The following BCLAF1 variants were observed in gnomAD, a reference collection of about 807,000 sequenced individuals.
BCLAF1 encodes bcl-2-associated transcription factor 1.
A neutral mutation model predicts 99.5 loss-of-function variants in BCLAF1; 10 were observed. The ratio of observed to expected loss-of-function variants is 0.10; its 90% CI spans 0.06 to 0.17. The LOEUF is 0.17. Among genes scored for constraint, BCLAF1 ranks in the 10% least tolerant of loss-of-function variants. BCLAF1 has a pLI of 1.00. For synonymous variants in BCLAF1, 255 were observed against 370.9 expected (o/e 0.69, Z 3.59); for missense variants, 636 against 1,105.8 (o/e 0.58, Z 6.02).
At chr6:136,269,704 C>A in intron 8 of BCLAF1, 92 bp from the exon 9 acceptor site, 5 of 936,430 alleles carry the variant, frequency 5.3e-6, no homozygotes, top group Non-Finnish European at 7.4e-6. Context: ...ATGCCAGCTT[C>A]TAAACTGGCA....
intron 8 of BCLAF1, chr6:136,269,887 T>A (rs1782271516): frequency 7.7e-6 from 2 of 260,604 alleles, no homozygotes; most frequent in Non-Finnish European, 1.4e-5. Flanking sequence ...CAAAACAATC[T>A]ATAATAAATT....
In BCLAF1 at chr6:136,276,066, T is replaced by G. The variant is rs538868140; in HGVS notation, c.1459A>C (p.Arg487=). The change falls in exon 5 of 13, where the codon AGA becomes CGA. Residue 487 remains arginine (R), a synonymous_variant. Transcript: ENST00000531224. ...KHKEEDKNSE[R]ITVKKETQSP... is the part of the protein sequence containing the mutation. ...TGAGTTTCTTTCTTTACTGTTATTC[T>G]TTCAGAATTTTTGTCTTCTTCTTTG... 2.5e-6 allele frequency: 4 copies of G among 1,606,560 alleles called. No homozygotes were observed. The highest frequency in any genetic ancestry group is 3.4e-5 in the Admixed American group (2 of 58,078).
At chr6:136,262,237 T>C (rs540110429) in intron 11 of BCLAF1, among the ~76,000 whole-genome samples, 55 of 152,296 alleles carry the variant, frequency 3.6e-4, no homozygotes, top group African/African-American at 1.3e-3. Context: ...TAGAGATGGG[T>C]ATTATATTCA....
At position 136,273,199 on chromosome 6, in the gene BCLAF1, GAAGA is replaced by G. The variant is rs376788248; in HGVS notation, c.1853-16_1853-13del. On this transcript the variant is annotated splice_polypyrimidine_tract_variant and intron_variant, in intron 6 of 12. Transcript: ENST00000531224. The stretch of plus-strand genomic sequence containing the variant: ...CTTGAAGTATTGCTCTGTTGATTTA[GAAGA>G]AATACTGTCCGATTAGTTAACTTTA... The G allele has an allele frequency of 1.9e-6, 3 of 1,605,152 alleles. No homozygotes were observed. In the African/African-American group the frequency reaches 4.0e-5, roughly 21 times the overall value.
At chr6:136,266,762 A>T (rs1000563797) in intron 11 of BCLAF1, among the ~76,000 whole-genome samples, 4 of 152,042 alleles carry the variant, frequency 2.6e-5, no homozygotes, top group African/African-American at 4.8e-5. Flanking sequence ...ACTATAATAT[A>T]ATGTTTTTCT....
In BCLAF1 at chr6:136,256,640, T is replaced by C. The variant is rs577779900; in HGVS notation, c.*4470A>G. On this transcript the variant is annotated 3_prime_UTR_variant, in exon 13 of 13. Coordinates refer to ENST00000531224, the MANE Select transcript of BCLAF1 (RefSeq NM_014739.3). ...TTGCAGTGAGCCGAGCTCGAGCCACTGCACTCTAGTCTGGGTAAGACTCCA... is the reference window on the plus strand; with the variant it reads ...TTGCAGTGAGCCGAGCTCGAGCCACCGCACTCTAGTCTGGGTAAGACTCCA... The C allele has an allele frequency of 1.3e-5, 2 of 157,670 alleles. No homozygotes were observed. Among genetic ancestry groups the C allele is most frequent in the East Asian group, 1.8e-4 (1 of 5,414 alleles). The allele number at this position is 157,670 out of a possible 1,614,324, so 9.8% of individuals were successfully genotyped here. A position where few individuals can be genotyped will look rare whatever the true frequency, so the allele number is the denominator to read the frequency against.
In BCLAF1 at chr6:136,257,345, T is replaced by C. The variant is rs1780526639; in HGVS notation, c.*3765A>G. On this transcript the variant is annotated 3_prime_UTR_variant, in exon 13 of 13. Coordinates refer to ENST00000531224, the MANE Select transcript of BCLAF1 (RefSeq NM_014739.3). ...AGATTCATTTTTAAAGGCCAAGGTATAGTCTAGTAACATAAAAAGAACTGG... is the reference window on the plus strand; with the variant it reads ...AGATTCATTTTTAAAGGCCAAGGTACAGTCTAGTAACATAAAAAGAACTGG... The C allele has an allele frequency of 6.6e-6, 1 of 152,204 alleles. No individual in the cohort carries two copies. Among genetic ancestry groups the C allele is most frequent in the Non-Finnish European group, 1.5e-5 (1 of 68,012 alleles). The allele number at this position is 152,204 out of a possible 1,614,324, so 9.4% of individuals were successfully genotyped here.
chr6:136,262,639 A>G (rs894007838), intron 11 of BCLAF1, among the ~76,000 whole-genome samples: 4 of 152,198 alleles, frequency 2.6e-5, no homozygotes, highest in African/African-American at 7.2e-5. Context: ...AGAGGTGTAC[A>G]TGACTCTATA....
Position 136,278,662 on chromosome 6 carries a change from G to A in BCLAF1, c.219C>T (p.Tyr73=), listed in dbSNP as rs1273446382. The stretch of plus-strand genomic sequence containing the variant: ...GATAATACCCTCTACCCCTTCCTCT[G>A]TACCCATAAGGTCGTCTCATTCCTC... ...NNRGMRRPYG[Y]RGRGRGYYQG... The change falls in exon 4 of 13, where the codon TAC becomes TAT. Residue 73 remains tyrosine (Y), a synonymous_variant. Coordinates refer to ENST00000531224, the MANE Select transcript of BCLAF1 (RefSeq NM_014739.3). 10 of 1,612,950 alleles carry A rather than the reference G, an allele frequency of 6.2e-6. No homozygotes were observed. Among genetic ancestry groups the A allele is most frequent in the Middle Eastern group, 1.7e-4 (1 of 6,044 alleles).
rs138287926 is a variant in BCLAF1 at position 136,279,708 on chromosome 6, T to C, written c.104+55A>G. 232 of 1,402,660 alleles carry C rather than the reference T, an allele frequency of 1.7e-4. No homozygotes were observed. The Admixed American group carries it at 2.1e-3, about 13-fold the overall frequency. 86.9% of individuals were successfully genotyped at this position (1,402,660 alleles called of 1,614,324 possible). Reference sequence around the variant, plus strand: ...TTAGCACTGTGTTTACGATACTCATTCAACAAGTATTAACTGATATAATTA... The same window carrying C: ...TTAGCACTGTGTTTACGATACTCATCCAACAAGTATTAACTGATATAATTA... On this transcript the variant is annotated intron_variant, in intron 3 of 12. Transcript: ENST00000531224.
Position 136,268,158 on chromosome 6 carries a change from T to C in BCLAF1, c.2397+4A>G, listed in dbSNP as rs758144228. On this transcript the variant is annotated splice_donor_region_variant and intron_variant, in intron 10 of 12. Coordinates refer to ENST00000531224, the MANE Select transcript of BCLAF1 (RefSeq NM_014739.3). Reference sequence around the variant, plus strand: ...AAACAATCAAAGATAATTTTTTCACTTACAAAGGTTCCTCGTGGTCGGCTA... The same window carrying C: ...AAACAATCAAAGATAATTTTTTCACCTACAAAGGTTCCTCGTGGTCGGCTA... 4.6e-6 allele frequency: 7 copies of C among 1,517,554 alleles called. No individual in the cohort carries two copies. The highest frequency in any genetic ancestry group is 6.1e-6 in the Non-Finnish European group (7 of 1,138,468). The allele number at this position is 1,517,554 out of a possible 1,614,324, so 94.0% of individuals were successfully genotyped here.
intron 6 of BCLAF1, 115 bp from the exon 7 acceptor site, chr6:136,273,302 A>G: frequency 1.2e-6 from 1 of 860,004 alleles, no homozygotes; most frequent in Non-Finnish European, 1.8e-6. Flanking sequence ...AAACCTAGCA[A>G]AAGAGAATCA....
At chr6:136,266,049 T>C (rs1781670287) in intron 11 of BCLAF1, among the ~76,000 whole-genome samples, 1 of 152,168 alleles carries the variant, frequency 6.6e-6, no homozygotes, top group African/African-American at 2.4e-5. Context: ...TGTAACTTTT[T>C]TTTTTTGGTT....
chr6:136,262,874 G>A (rs1457831898), intron 11 of BCLAF1, among the ~76,000 whole-genome samples: 1 of 152,080 alleles, frequency 6.6e-6, no homozygotes, highest in African/African-American at 2.4e-5. Flanking sequence ...TTTTGGAGTA[G>A]AAGCATGGGT....
Position 136,261,327 on chromosome 6 carries a change from C to T in BCLAF1, c.2695G>A (p.Glu899Lys). ...HDKYQGDGIV[E>K]DEEETMENNE... Reference sequence around the variant, plus strand: ...TTTTCCATGGTCTCTTCTTCATCTTCAACAATCCCATCCCCTTGGTATTTG... The same window carrying T: ...TTTTCCATGGTCTCTTCTTCATCTTTAACAATCCCATCCCCTTGGTATTTG... Residue 899 changes from glutamate (E) to lysine (K), a missense_variant, in exon 12 of 13, where the codon GAA becomes AAA. Physicochemically the swap from Glu to Lys is moderately conservative, Grantham distance 56. Around this residue, in one of 9 missense-constraint regions of BCLAF1, gnomAD observed 57 missense variants for 116.7 expected, o/e 0.49. Transcript: ENST00000531224. 1 of 1,613,884 alleles carries T rather than the reference C, an allele frequency of 6.2e-7. No homozygotes were observed. Among genetic ancestry groups the T allele is most frequent in the Non-Finnish European group, 8.5e-7 (1 of 1,179,866 alleles).
At chr6:136,288,568 T>C (rs1165570841) in intron 1 of BCLAF1, among the ~76,000 whole-genome samples, 2 of 152,354 alleles carry the variant, frequency 1.3e-5, no homozygotes, top group East Asian at 1.9e-4. Flanking sequence ...AAAGAGGCTG[T>C]TGCAGTGAGG....
chr6:136,271,431 C>T lies in BCLAF1; in HGVS notation c.2043+564G>A, dbSNP rs1782514416. On this transcript the variant is annotated intron_variant, in intron 8 of 12. Transcript: ENST00000531224. ...CTGAATTCCATTCTCACCAAGACCC[C>T]TCAATATCTTTCACAGGCTCCTCTC... 2.0e-5 allele frequency among the ~76,000 whole-genome samples: 3 copies of T among 151,826 alleles called. No individual in the cohort carries two copies. The South Asian group carries it at 6.2e-4, about 31-fold the overall frequency.
chr6:136,286,641 A>T (rs1785170603), intron 1 of BCLAF1, among the ~76,000 whole-genome samples: 1 of 152,202 alleles, frequency 6.6e-6, no homozygotes, highest in African/African-American at 2.4e-5. Context: ...ATACAGCATT[A>T]ATCAGCATCA....
chr6:136,260,513 G>A lies in BCLAF1; in HGVS notation c.*597C>T, dbSNP rs1044714780. On this transcript the variant is annotated 3_prime_UTR_variant, in exon 13 of 13. Coordinates refer to ENST00000531224, the MANE Select transcript of BCLAF1 (RefSeq NM_014739.3). ...TTTTCAATCTGATTTTTAATAGCTTGTACTTTTTAGCTATTGGCAAAGCTT... is the reference window on the plus strand; with the variant it reads ...TTTTCAATCTGATTTTTAATAGCTTATACTTTTTAGCTATTGGCAAAGCTT... The A allele has an allele frequency of 1.3e-5, 2 of 151,852 alleles. No homozygotes were observed. Among genetic ancestry groups the A allele is most frequent in the African/African-American group, 2.4e-5 (1 of 41,238 alleles). The allele number at this position is 151,852 out of a possible 1,614,324, so 9.4% of individuals were successfully genotyped here.
Sources: allele counts gnomAD v4.1 joint callset (sites outside exome capture counted in the v4.1 genomes callset), GRCh38; gene constraint gnomAD v4.1.1; regional missense constraint gnomAD v4.1.1; transcripts MANE v1.5; gene names NCBI Gene and HGNC (gene_info 2026-07-23, HGNC 2026-07-21).